Variants in DPP6 observed in about 807,000 individuals in gnomAD.
The protein encoded by DPP6 is dipeptidyl peptidase like 6.
DPP6 carries 69 observed loss-of-function variants against 122.6 expected under a neutral mutation model. The observed-to-expected ratio is 0.56, with a 90% CI of 0.46 to 0.69. The LOEUF (loss-of-function observed/expected upper bound fraction) is 0.69, where lower values mean the gene tolerates loss of function less well. DPP6 is among the 30% of genes least tolerant of loss of function. The probability of loss-of-function intolerance (pLI) is 0.00; values close to 1 mark genes in which losing one functional copy is unlikely to be tolerated. For synonymous variants in DPP6, 418 were observed against 433.1 expected, an observed-to-expected ratio of 0.97 and a Z score of 0.43; for missense variants, 928 against 1,116.9, an observed-to-expected ratio of 0.83 and a Z score of 2.41.
At chr7:154,740,020 T>C (rs935411233) in intron 8 of DPP6, among the ~76,000 whole-genome samples, 2 of 152,234 alleles carry the variant, frequency 1.3e-5, no homozygotes, top group African/African-American at 4.8e-5. Flanking sequence ...CTAGCTGGTC[T>C]TGTGAAAAAT....
At chr7:154,749,243 A>T (rs79537239) in intron 8 of DPP6, among the ~76,000 whole-genome samples, 10 of 87,734 alleles carry the variant, frequency 1.1e-4, no homozygotes, top group African/African-American at 5.3e-4. Context: ...AGAGGGATGG[A>T]GGCTTTACTG....
the DPP6 span, among the ~76,000 whole-genome samples, chr7:153,875,395 A>T: frequency 1.3e-3 from 194 of 152,312 alleles, 3 homozygotes; most frequent in African/African-American, 4.1e-3. Flanking sequence ...ACAGATGAAA[A>T]TAGATGACTT....
At chr7:154,242,625 G>A (rs1025966573) in intron 1 of DPP6, among the ~76,000 whole-genome samples, 21 of 152,192 alleles carry the variant, frequency 1.4e-4, no homozygotes, top group African/African-American at 5.1e-4. Flanking sequence ...GGCTCAGTTT[G>A]CCCCAGTGCT....
intron 1 of DPP6, among the ~76,000 whole-genome samples, chr7:154,277,531 A>G (rs1014391026): frequency 6.6e-6 from 1 of 152,206 alleles, no homozygotes; most frequent in Non-Finnish European, 1.5e-5. Context: ...TGGGAGGCTG[A>G]GGTGGGCAGA....
chr7:153,891,557 T>G (rs1799205243), intron 1 of DPP6, among the ~76,000 whole-genome samples: 1 of 152,176 alleles, frequency 6.6e-6, no homozygotes, highest in African/African-American at 2.4e-5. Flanking sequence ...AACCTAATCT[T>G]CCTTTATTGC....
the DPP6 span, among the ~76,000 whole-genome samples, chr7:153,864,519 G>T: frequency 6.6e-6 from 1 of 152,034 alleles, no homozygotes; most frequent in Non-Finnish European, 1.5e-5. Flanking sequence ...AGCTGGGCAT[G>T]GTGGTGGGCG....
intron 1 of DPP6, among the ~76,000 whole-genome samples, chr7:154,104,100 T>C (rs918959503): frequency 2.4e-4 from 37 of 152,208 alleles, no homozygotes; most frequent in Non-Finnish European, 4.7e-4. Context: ...ACCAATACGG[T>C]TGCCCACCCT....
intron 1 of DPP6, among the ~76,000 whole-genome samples, chr7:154,118,287 C>G (rs1305281947): frequency 6.7e-6 from 1 of 150,254 alleles, no homozygotes; most frequent in Non-Finnish European, 1.5e-5. Context: ...GAAATATCTT[C>G]AGCTTCATAT....
At position 154,863,831 on chromosome 7, in the gene DPP6, A is replaced by G. The variant is rs1017449880; in HGVS notation, c.1715-4164A>G. 3.9e-5 allele frequency among the ~76,000 whole-genome samples: 6 copies of G among 152,092 alleles called. No individual in the cohort carries two copies. The highest frequency in any genetic ancestry group is 8.8e-5 in the Non-Finnish European group (6 of 68,020). The stretch of plus-strand genomic sequence containing the variant: ...CTCAAAAAACAAAAATGGAGCTCAG[A>G]GAAAAGAGATTTCCAGTTAAGGTGA... On this transcript the variant is annotated intron_variant, in intron 17 of 25. Coordinates refer to ENST00000377770, the MANE Select transcript of DPP6 (RefSeq NM_130797.4). The surrounding 1 kb of genome is among the most constrained non-coding windows in gnomAD (Gnocchi z 4.1).
At chr7:154,669,545 T>A in intron 7 of DPP6, 104 bp downstream of exon 7, 4 of 1,084,346 alleles carry the variant, frequency 3.7e-6, no homozygotes, top group Non-Finnish European at 4.9e-6. Context: ...GTGTTGTGTG[T>A]GTGTGTGTGT....
intron 6 of DPP6, among the ~76,000 whole-genome samples, chr7:154,646,380 C>T (rs1258868953): frequency 3.3e-5 from 5 of 152,152 alleles, no homozygotes; most frequent in Non-Finnish European, 7.3e-5. Flanking sequence ...TGGTTATCCA[C>T]ACCTCTATTG....
chr7:153,788,492 T>A, the DPP6 span, among the ~76,000 whole-genome samples: 2 of 152,232 alleles, frequency 1.3e-5, no homozygotes, highest in African/African-American at 4.8e-5. Context: ...AATTCATTGG[T>A]TGACATTTTA....
chr7:154,021,158 AG>A (rs375588192), intron 1 of DPP6, among the ~76,000 whole-genome samples: 327 of 152,294 alleles, frequency 2.1e-3, no homozygotes, highest in African/African-American at 7.7e-3. Flanking sequence ...CTTACATTGC[AG>A]CACCTTACCA....
chr7:153,864,648 C>T, the DPP6 span, among the ~76,000 whole-genome samples: 4 of 149,932 alleles, frequency 2.7e-5, no homozygotes, highest in East Asian at 7.9e-4. Context: ...CAGAGCAAGA[C>T]TCTGTCTCAA....
chr7:153,870,124 G>A, the DPP6 span, among the ~76,000 whole-genome samples: 13 of 152,204 alleles, frequency 8.5e-5, no homozygotes, highest in East Asian at 2.3e-3. Context: ...TGACAATTAT[G>A]TGTCTTGGAG....
chr7:154,059,132 G>T (rs185912037), intron 1 of DPP6: 3 of 144,972 alleles, frequency 2.1e-5, no homozygotes, highest in Admixed American at 1.4e-4. Context: ...CCCCACGAGG[G>T]TGGGGACTGA....
At chr7:154,119,148 C>T (rs1265947165) in intron 1 of DPP6, among the ~76,000 whole-genome samples, 2 of 152,260 alleles carry the variant, frequency 1.3e-5, no homozygotes, top group Middle Eastern at 3.4e-3. Context: ...TTCTCAGAAT[C>T]TCTTTCCCTA....
chr7:154,563,210 G>A lies in DPP6; in HGVS notation c.553-3632G>A, dbSNP rs185332043. Reference sequence around the variant, plus strand: ...AGCATTTCAGGCAGAAGAAAGAGGAGTTGCAAAGGCCTTGAGAATGGCATG... The same window carrying A: ...AGCATTTCAGGCAGAAGAAAGAGGAATTGCAAAGGCCTTGAGAATGGCATG... On this transcript the variant is annotated intron_variant, in intron 4 of 25. Coordinates refer to ENST00000377770, the MANE Select transcript of DPP6 (RefSeq NM_130797.4). Among the ~76,000 whole-genome samples the A allele has an allele frequency of 5.9e-5, 9 of 152,340 alleles. No homozygotes were observed. In the East Asian group the frequency reaches 1.4e-3, roughly 23 times the overall value.
At chr7:153,810,667 CTCTCCTCTCTCTCTCTCT>C in the DPP6 span, among the ~76,000 whole-genome samples, 4 of 138,190 alleles carry the variant, frequency 2.9e-5, no homozygotes, top group South Asian at 2.3e-4. Flanking sequence ...TCTCCTCTCT[CTCTCCTCTCTCTCTCTCT>C]CTCTCTCTCT....
Sources: allele counts gnomAD v4.1 joint callset (sites outside exome capture counted in the v4.1 genomes callset), GRCh38; gene constraint gnomAD v4.1.1; non-coding constraint Gnocchi (gnomAD v3.1); transcripts MANE v1.5; gene names NCBI Gene and HGNC (gene_info 2026-07-23, HGNC 2026-07-21).